ADD3: variants seen among roughly 807,000 people sequenced by gnomAD.
ADD3 encodes the protein adducin 3.
ADD3 carries 25 observed loss-of-function variants against 80.2 expected under a neutral mutation model. That is an observed-to-expected ratio of 0.31 (90% CI 0.23 to 0.44). The LOEUF (loss-of-function observed/expected upper bound fraction) is 0.44, where lower values mean the gene tolerates loss of function less well. ADD3 is among the 20% of genes least tolerant of loss of function. The pLI, the probability that ADD3 is intolerant of heterozygous loss-of-function variation, is 1.00. For synonymous variants in ADD3, 284 were observed against 289.6 expected (o/e 0.98, Z 0.20); for missense variants, 829 against 847.5 (o/e 0.98, Z 0.27).
chr10:110,003,897 T>C (rs1851537642), upstream of ADD3, among the ~76,000 whole-genome samples: 1 of 152,168 alleles, frequency 6.6e-6, no homozygotes. Context: ...ACAATGCAAA[T>C]TAAAAACAAA....
At chr10:110,067,598 A>G (rs963421081) in intron 1 of ADD3, among the ~76,000 whole-genome samples, 3 of 152,238 alleles carry the variant, frequency 2.0e-5, no homozygotes, top group African/African-American at 7.2e-5. Flanking sequence ...AATTATTTCT[A>G]TAAGCTGCCA....
intron 1 of ADD3, among the ~76,000 whole-genome samples, chr10:110,020,055 C>A (rs74154960): frequency 0.011 from 1,612 of 152,306 alleles, 31 homozygotes; most frequent in African/African-American, 0.038. Context: ...GGTATCTTTT[C>A]CCATAAATGC....
intron 1 of ADD3, among the ~76,000 whole-genome samples, chr10:110,017,071 A>G (rs1589735646): frequency 6.6e-6 from 1 of 152,352 alleles, no homozygotes; most frequent in South Asian, 2.1e-4. Flanking sequence ...AGCACTTCAC[A>G]TAAATTATCC....
intron 1 of ADD3, among the ~76,000 whole-genome samples, chr10:110,029,109 C>T (rs916982743): frequency 2.6e-5 from 4 of 152,188 alleles, no homozygotes; most frequent in Non-Finnish European, 5.9e-5. Context: ...GAACTCCCCA[C>T]CTCAGGTGAT....
chr10:110,027,431 A>T (rs1424613015), intron 1 of ADD3, among the ~76,000 whole-genome samples: 1 of 152,242 alleles, frequency 6.6e-6, no homozygotes, highest in Non-Finnish European at 1.5e-5. Flanking sequence ...TGTAGAAGCC[A>T]CATTAAAAAA....
chr10:110,096,942 A>G (rs942862081), intron 1 of ADD3, among the ~76,000 whole-genome samples: 2 of 152,194 alleles, frequency 1.3e-5, no homozygotes, highest in African/African-American at 4.8e-5. Flanking sequence ...GTGGACCTGA[A>G]TACAAGCAAC....
chr10:110,111,018 T>A (rs1849944778), intron 2 of ADD3, among the ~76,000 whole-genome samples: 1 of 152,100 alleles, frequency 6.6e-6, no homozygotes, highest in Non-Finnish European at 1.5e-5. Context: ...ATAGGTTATT[T>A]ACCCACCCTC....
chr10:109,997,564 C>A (rs1306321408), intron 1 of ADD3: 2 of 152,214 alleles, frequency 1.3e-5, no homozygotes, highest in East Asian at 3.8e-4. Flanking sequence ...AGGACCCCTT[C>A]ACAATGACAG....
chr10:110,075,124 G>C (rs1053165123), intron 1 of ADD3, among the ~76,000 whole-genome samples: 1 of 152,194 alleles, frequency 6.6e-6, no homozygotes, highest in Non-Finnish European at 1.5e-5. Context: ...TAGCTGTGTA[G>C]TCCAGAGTAT....
chr10:110,000,825 T>G (rs1390905647), upstream of ADD3, among the ~76,000 whole-genome samples: 2 of 152,222 alleles, frequency 1.3e-5, no homozygotes, highest in Non-Finnish European at 2.9e-5. Flanking sequence ...TACAGTAGTA[T>G]CTACCTTTAA....
At chr10:110,049,593 A>G (rs552047091) in intron 1 of ADD3, among the ~76,000 whole-genome samples, 7 of 152,232 alleles carry the variant, frequency 4.6e-5, no homozygotes, top group Non-Finnish European at 7.4e-5. Flanking sequence ...GAACTTTAAG[A>G]TTTGACTGCT....
intron 1 of ADD3, among the ~76,000 whole-genome samples, chr10:110,014,188 T>C (rs972120026): frequency 1.3e-5 from 2 of 152,170 alleles, no homozygotes; most frequent in Non-Finnish European, 2.9e-5. Context: ...ACACTCCACT[T>C]TTACGCCCTA....
rs568650335 is a variant in ADD3 at position 110,048,690 on chromosome 10, C to T, written c.-30+40391C>T. On this transcript the variant is annotated intron_variant, in intron 1 of 14. Transcript: ENST00000356080. Reference sequence around the variant, plus strand: ...GAGAAAGATAACTTAGGGTATCTGGCAGAAGAAATTTCTAAATAACAAAGC... The same window carrying T: ...GAGAAAGATAACTTAGGGTATCTGGTAGAAGAAATTTCTAAATAACAAAGC... 1.9e-4 allele frequency among the ~76,000 whole-genome samples: 29 copies of T among 152,244 alleles called. 1 individual carries two copies. Among genetic ancestry groups the T allele is most frequent in the East Asian group, 1.5e-3 (8 of 5,188 alleles).
chr10:110,120,854 C>T (rs1157214087), intron 8 of ADD3, among the ~76,000 whole-genome samples: 1 of 152,058 alleles, frequency 6.6e-6, no homozygotes, highest in Non-Finnish European at 1.5e-5. Flanking sequence ...CACATACCTA[C>T]GACTAGCTGA....
rs544220175 is a variant in ADD3, at chr10:110,104,878, G to C, written c.195+4030G>C. Among the ~76,000 whole-genome samples, 57 of 152,282 alleles carry C rather than the reference G, an allele frequency of 3.7e-4. 1 individual carries two copies. Among genetic ancestry groups the C allele is most frequent in the South Asian group, 8.3e-4 (4 of 4,824 alleles). On this transcript the variant is annotated intron_variant, in intron 2 of 14. Transcript: ENST00000356080. ...ACAGCTTAGTTAAATGATGTGGTCAGAATTTAAACTGCAAAGCTCACACCT... is the reference window on the plus strand; with the variant it reads ...ACAGCTTAGTTAAATGATGTGGTCACAATTTAAACTGCAAAGCTCACACCT...
upstream of ADD3, among the ~76,000 whole-genome samples, chr10:110,006,661 TCA>T (rs1450329905): frequency 6.6e-6 from 1 of 152,144 alleles, no homozygotes; most frequent in Non-Finnish European, 1.5e-5. Flanking sequence ...GATAAATGCA[TCA>T]CAGTTTGTGT....
At chr10:110,063,024 T>C (rs1589938391) in intron 1 of ADD3, among the ~76,000 whole-genome samples, 1 of 152,332 alleles carries the variant, frequency 6.6e-6, no homozygotes, top group East Asian at 1.9e-4. Context: ...CTTAATTATT[T>C]GTTGTGGGTT....
chr10:110,101,548 G>A (rs1243838836), intron 2 of ADD3, among the ~76,000 whole-genome samples: 1 of 151,450 alleles, frequency 6.6e-6, no homozygotes, highest in African/African-American at 2.4e-5. Context: ...GAGGCAGGAG[G>A]ATCACTTGAG....
upstream of ADD3, among the ~76,000 whole-genome samples, chr10:110,007,405 G>T (rs1229346780): frequency 1.3e-5 from 2 of 152,216 alleles, no homozygotes; most frequent in Non-Finnish European, 2.9e-5. Flanking sequence ...CCTTTGCAGT[G>T]GCCTCCTACA....
Sources: gnomAD v4.1 joint callset for allele counts (sites outside exome capture counted in the v4.1 genomes callset) on GRCh38, gnomAD v4.1.1 for gene constraint, MANE v1.5 for transcripts, NCBI Gene and HGNC (gene_info 2026-07-23, HGNC 2026-07-21) for gene names.